THRAP3: variants seen among roughly 807,000 people sequenced by gnomAD.
THRAP3 encodes thyroid hormone receptor associated protein 3.
THRAP3 carries 16 observed loss-of-function variants against 101.0 expected under a neutral mutation model. That is an observed-to-expected ratio of 0.16 (90% CI 0.11 to 0.24). The LOEUF is 0.24. Ranked by LOEUF, THRAP3 falls within the 10% of genes least tolerant of loss-of-function variation. THRAP3 has a pLI of 1.00. For synonymous variants in THRAP3, 407 were observed against 422.6 expected (o/e 0.96, Z 0.45); for missense variants, 989 against 1,202.7 (o/e 0.82, Z 2.63).
intron 2 of THRAP3, among the ~76,000 whole-genome samples, chr1:36,273,733 A>C (rs1645619118): frequency 6.6e-6 from 1 of 152,122 alleles, no homozygotes; most frequent in Non-Finnish European, 1.5e-5. Context: ...GCAAGGTTGC[A>C]GGTACAAGAT....
chr1:36,220,972 A>AAAAAAAAAATAT (rs1285765741), upstream of THRAP3, among the ~76,000 whole-genome samples: 2 of 94,122 alleles, frequency 2.1e-5, no homozygotes, highest in African/African-American at 9.5e-5. Context: ...AAAAAAAAAA[A>AAAAAAAAAATAT]ATATATATAT....
chr1:36,236,557 A>G (rs562735115), intron 1 of THRAP3, among the ~76,000 whole-genome samples: 2 of 151,432 alleles, frequency 1.3e-5, no homozygotes, highest in East Asian at 3.9e-4. Context: ...CCCCCTCCCA[A>G]AGTGCTGGGA....
intron 5 of THRAP3, 93 bp downstream of exon 5, chr1:36,289,857 CTTCT>C: frequency 6.8e-7 from 1 of 1,461,314 alleles, no homozygotes; most frequent in Non-Finnish European, 9.1e-7. Flanking sequence ...TGTATTCCCC[CTTCT>C]GTCTTAAGCT....
chr1:36,265,458 A>G (rs1266984827), intron 2 of THRAP3, among the ~76,000 whole-genome samples: 2 of 106,670 alleles, frequency 1.9e-5, no homozygotes, highest in Non-Finnish European at 3.6e-5. Context: ...AAGACAGGAA[A>G]CTTTTTTTTT....
intron 4 of THRAP3, chr1:36,288,557 G>A (rs956286446): frequency 5.1e-6 from 5 of 985,290 alleles, no homozygotes; most frequent in South Asian, 4.7e-5. Context: ...AGTATATTTC[G>A]TATTTAGATC....
At chr1:36,270,682 A>G (rs1269627471) in intron 2 of THRAP3, among the ~76,000 whole-genome samples, 1 of 147,490 alleles carries the variant, frequency 6.8e-6, no homozygotes. Flanking sequence ...GGCTCAAGTG[A>G]TTCTCCTGCC....
intron 2 of THRAP3, among the ~76,000 whole-genome samples, chr1:36,280,683 G>C (rs1645719429): frequency 6.6e-6 from 1 of 152,194 alleles, no homozygotes; most frequent in Admixed American, 6.5e-5. Flanking sequence ...TGTGATCTTT[G>C]ATAGATTCCT....
Position 36,287,227 on chromosome 1 carries a change from A to G in THRAP3, c.997A>G (p.Lys333Glu). The G allele has an allele frequency of 1.2e-6, 2 of 1,613,760 alleles. No homozygotes were observed. Among genetic ancestry groups the G allele is most frequent in the South Asian group, 1.1e-5 (1 of 91,030 alleles). Residue 333 changes from lysine to glutamate, a missense_variant, in exon 4 of 12, where the codon AAG becomes GAG. Transcript: ENST00000354618. ...STGSTYGSSQ[K>E]EESAASGGAA... is the part of the protein sequence containing the mutation. ...TGGCTCCACATATGGCTCATCTCAG[A>G]AGGAGGAGAGTGCTGCTTCAGGAGG...
the THRAP3 span, among the ~76,000 whole-genome samples, chr1:36,211,110 G>A: frequency 3.3e-5 from 5 of 151,908 alleles, no homozygotes; most frequent in African/African-American, 7.2e-5. Flanking sequence ...CACATTGGGA[G>A]GCCAAAGCAG....
chr1:36,275,039 T>C (rs79898631), intron 2 of THRAP3, among the ~76,000 whole-genome samples: 139,322 of 147,320 alleles, frequency 0.95, 66,383 homozygotes, highest in Middle Eastern at 1. Context: ...TTTGGGAGGC[T>C]GGGGCAGGGG....
intron 2 of THRAP3, among the ~76,000 whole-genome samples, chr1:36,260,497 G>A (rs1645431242): frequency 6.6e-6 from 1 of 151,972 alleles, no homozygotes. Context: ...GTTTTTGGTA[G>A]GCTTACCTGA....
chr1:36,291,490 G>A lies in THRAP3; in HGVS notation c.1862G>A (p.Arg621His). 1.9e-6 allele frequency: 3 copies of A among 1,614,178 alleles called. No individual in the cohort carries two copies. Among genetic ancestry groups the A allele is most frequent in the South Asian group, 2.2e-5 (2 of 91,088 alleles). Residue 621 changes from arginine to histidine, a missense_variant, in exon 6 of 12, where the codon CGT becomes CAT. Coordinates refer to ENST00000354618, the MANE Select transcript of THRAP3 (RefSeq NM_005119.4). ...FQHIQSAQSQ[R>H]SPSELFAQHI... is the part of the protein sequence containing the mutation. ...CACATACAATCAGCTCAGTCTCAGC[G>A]TAGCCCCTCAGAACTGTTTGCCCAA...
chr1:36,297,444 A>ATTTTTTTTT (rs764365723), intron 9 of THRAP3, among the ~76,000 whole-genome samples: 1 of 122,372 alleles, frequency 8.2e-6, no homozygotes, highest in Non-Finnish European at 1.7e-5. Context: ...GCTGGCAAGC[A>ATTTTTTTTT]TTTTTTTTTT....
chr1:36,213,963 GA>G, the THRAP3 span, among the ~76,000 whole-genome samples: 1,158 of 88,804 alleles, frequency 0.013, 6 homozygotes, highest in Admixed American at 0.019. Flanking sequence ...AAGAAAGAAG[GA>G]AAGAGAAAGA....
the THRAP3 span, among the ~76,000 whole-genome samples, chr1:36,218,242 A>G: frequency 6.6e-6 from 1 of 151,250 alleles, no homozygotes. Context: ...GGTGGCAGGC[A>G]CCTGTAGTCC....
chr1:36,266,693 C>G (rs543754409), intron 2 of THRAP3, among the ~76,000 whole-genome samples: 1 of 152,182 alleles, frequency 6.6e-6, no homozygotes, highest in African/African-American at 2.4e-5. Context: ...CCTCTCATTT[C>G]CAAGTGAGGT....
intron 2 of THRAP3, among the ~76,000 whole-genome samples, chr1:36,278,793 G>A (rs1645694892): frequency 6.6e-6 from 1 of 151,892 alleles, no homozygotes; most frequent in South Asian, 2.1e-4. Context: ...CATGGTGGTG[G>A]GCGCCTGTAA....
chr1:36,297,972 C>G (rs1645974404), intron 9 of THRAP3, among the ~76,000 whole-genome samples: 2 of 148,354 alleles, frequency 1.3e-5, no homozygotes, highest in Admixed American at 6.7e-5. Context: ...TCGTGAAACC[C>G]TGTCTCTACT....
At chr1:36,292,255 T>TGGTAA (rs1645880788) in intron 6 of THRAP3, among the ~76,000 whole-genome samples, 1 of 58,788 alleles carries the variant, frequency 1.7e-5, no homozygotes, top group Non-Finnish European at 3.3e-5. Context: ...ATAATGTGTT[T>TGGTAA]CTTTGTTTCT....
Sources: allele counts gnomAD v4.1 joint callset (sites outside exome capture counted in the v4.1 genomes callset), GRCh38; gene constraint gnomAD v4.1.1; transcripts MANE v1.5; gene names NCBI Gene and HGNC (gene_info 2026-07-23, HGNC 2026-07-21).